Variants in CERS6 observed in about 807,000 individuals in gnomAD.
The protein encoded by CERS6 is LAG1 homolog, ceramide synthase 6.
In CERS6, 26 loss-of-function variants were observed where a neutral mutation model predicts 56.8. The observed-to-expected ratio is 0.46, with a 90% CI of 0.34 to 0.63. CERS6 has a LOEUF of 0.63. CERS6 is among the 30% of genes least tolerant of loss of function. The pLI is 0.01. For missense variants in CERS6, 415 were observed against 467.5 expected, an observed-to-expected ratio of 0.89 and a Z score of 1.04; for synonymous variants, 164 against 173.3, an observed-to-expected ratio of 0.95 and a Z score of 0.42.
intron 5 of CERS6, among the ~76,000 whole-genome samples, chr2:168,692,892 C>G (rs1320812727): frequency 6.6e-6 from 1 of 151,984 alleles, no homozygotes; most frequent in Non-Finnish European, 1.5e-5. Flanking sequence ...CTTTTAAAGA[C>G]CGAGCATGCT....
intron 2 of CERS6, 152 bp from the exon 3 acceptor site, chr2:168,561,040 G>A: frequency 1.5e-6 from 1 of 669,974 alleles, no homozygotes; most frequent in Non-Finnish European, 2.4e-6. Flanking sequence ...CTAGTGGAAG[G>A]CCTCGGTCCT....
chr2:168,571,737 A>G (rs950101816), intron 3 of CERS6, among the ~76,000 whole-genome samples: 1 of 152,220 alleles, frequency 6.6e-6, no homozygotes. Context: ...ATTTTGACAT[A>G]GGCATGCCAC....
intron 1 of CERS6, among the ~76,000 whole-genome samples, chr2:168,482,623 T>A (rs1340099236): frequency 6.6e-6 from 1 of 152,248 alleles, no homozygotes; most frequent in African/African-American, 2.4e-5. Flanking sequence ...CTGGAAGGAT[T>A]TGCTAAGAGA....
intron 4 of CERS6, among the ~76,000 whole-genome samples, chr2:168,642,989 G>C (rs1048865349): frequency 6.6e-6 from 1 of 152,210 alleles, no homozygotes; most frequent in African/African-American, 2.4e-5. Context: ...TAGGATGCAT[G>C]ATGTTCAGTA....
At chr2:168,707,728 T>C (rs1686993342) in intron 6 of CERS6, among the ~76,000 whole-genome samples, 1 of 152,198 alleles carries the variant, frequency 6.6e-6, no homozygotes. Flanking sequence ...TCAAATTGCC[T>C]ACTGGGGAGA....
At chr2:168,618,088 C>T (rs992876794) in intron 3 of CERS6, among the ~76,000 whole-genome samples, 17 of 152,230 alleles carry the variant, frequency 1.1e-4, no homozygotes, top group African/African-American at 3.1e-4. Context: ...ATACATCAGT[C>T]AATAAATGTG....
At chr2:168,538,762 A>C (rs897185782) in intron 1 of CERS6, among the ~76,000 whole-genome samples, 1 of 152,204 alleles carries the variant, frequency 6.6e-6, no homozygotes, top group South Asian at 2.1e-4. Flanking sequence ...GTGACTCATT[A>C]AGCTATTTGC....
chr2:168,463,924 T>C (rs1469361913), intron 1 of CERS6, among the ~76,000 whole-genome samples: 2 of 152,098 alleles, frequency 1.3e-5, no homozygotes, highest in African/African-American at 4.8e-5. Flanking sequence ...AAAAAAATTT[T>C]TTGCTTTGAA....
At chr2:168,685,673 G>A (rs1010419852) in intron 4 of CERS6, among the ~76,000 whole-genome samples, 7 of 152,008 alleles carry the variant, frequency 4.6e-5, no homozygotes, top group Non-Finnish European at 5.9e-5. Context: ...CGATTCTTAC[G>A]TGTGTGGTCA....
At chr2:168,725,340 G>T (rs552452476) in intron 8 of CERS6, among the ~76,000 whole-genome samples, 4 of 152,358 alleles carry the variant, frequency 2.6e-5, no homozygotes, top group Admixed American at 6.5e-5. Context: ...CCAGAAAGGG[G>T]CTCCCACAGT....
At chr2:168,564,322 C>G (rs999681983) in intron 3 of CERS6, among the ~76,000 whole-genome samples, 5 of 152,160 alleles carry the variant, frequency 3.3e-5, no homozygotes, top group African/African-American at 1.2e-4. Flanking sequence ...GCTGGAAACT[C>G]AAGTCAATCA....
chr2:168,547,565 CCTT>C (rs779553044), intron 1 of CERS6, 28 bp from the exon 2 acceptor site: 7 of 1,393,922 alleles, frequency 5.0e-6, no homozygotes, highest in Admixed American at 1.7e-5. Flanking sequence ...TAAATTCTGA[CCTT>C]CTACTTTTTT....
chr2:168,684,837 A>G (rs572141577), intron 4 of CERS6, among the ~76,000 whole-genome samples: 3 of 152,366 alleles, frequency 2.0e-5, no homozygotes, highest in Admixed American at 6.5e-5. Flanking sequence ...TTTTGAAGCA[A>G]AAATGTCCTG....
At chr2:168,755,287 G>A (rs1684383429) in intron 8 of CERS6, among the ~76,000 whole-genome samples, 1 of 152,150 alleles carries the variant, frequency 6.6e-6, no homozygotes, top group African/African-American at 2.4e-5. Flanking sequence ...TGAAGTCTTT[G>A]AACATCTTCC....
In CERS6 at chr2:168,770,361, G is replaced by GT. The variant is rs1174893003; in HGVS notation, c.*701dup. 1.3e-5 allele frequency: 2 copies of GT among 152,258 alleles called. No individual in the cohort carries two copies. The highest frequency in any genetic ancestry group is 4.8e-5 in the African/African-American group (2 of 41,456). The allele number at this position is 152,258 out of a possible 1,614,324, so 9.4% of individuals were successfully genotyped here. The stretch of plus-strand genomic sequence containing the variant: ...TTCAATGGGTGTGAGCTAGTTGAGG[G>GT]TTAACCTTGTAGGTTGCAGAGTGTA... On this transcript the variant is annotated 3_prime_UTR_variant, in exon 10 of 10. Coordinates refer to ENST00000305747, the MANE Select transcript of CERS6 (RefSeq NM_203463.3).
At chr2:168,523,985 G>A (rs17808429) in intron 1 of CERS6, among the ~76,000 whole-genome samples, 24,530 of 152,170 alleles carry the variant, frequency 0.16, 2,544 homozygotes, top group Non-Finnish European at 0.23. Flanking sequence ...TTCTGTGCCA[G>A]TTGCAGTGCT....
Position 168,664,250 on chromosome 2 carries a change from C to A in CERS6, c.466-26784C>A, listed in dbSNP as rs1427897404. ...GGGAAGGCCTTCTGGGTAGTCTCCT[C>A]AGAGGCAAGCAGGAGGCCCTTCCTT... On this transcript the variant is annotated intron_variant, in intron 4 of 9. Coordinates refer to ENST00000305747, the MANE Select transcript of CERS6 (RefSeq NM_203463.3). Among the ~76,000 whole-genome samples, 3 of 152,282 alleles carry A rather than the reference C, an allele frequency of 2.0e-5. No individual in the cohort carries two copies. In the East Asian group the frequency reaches 5.8e-4, roughly 29 times the overall value.
chr2:168,766,708 G>A (rs1351939723), intron 9 of CERS6, among the ~76,000 whole-genome samples: 2 of 152,370 alleles, frequency 1.3e-5, no homozygotes, highest in Non-Finnish European at 2.9e-5. Context: ...GAACTAGTTG[G>A]AGGGGGAGAG....
intron 3 of CERS6, among the ~76,000 whole-genome samples, chr2:168,614,029 G>A (rs1305624010): frequency 6.6e-6 from 1 of 152,192 alleles, no homozygotes; most frequent in African/African-American, 2.4e-5. Context: ...ATTTTCTTAT[G>A]CAGGAGTGCA....
Sources: allele counts gnomAD v4.1 joint callset (sites outside exome capture counted in the v4.1 genomes callset), GRCh38; gene constraint gnomAD v4.1.1; transcripts MANE v1.5; gene names NCBI Gene and HGNC (gene_info 2026-07-23, HGNC 2026-07-21).